SPINDOC: variants seen among roughly 807,000 people sequenced by gnomAD.
SPINDOC encodes the protein spindlin interactor and repressor of chromatin binding, also known as spindlin interactor and repressor of chromatin-binding protein.
Under a neutral mutation model 30.7 loss-of-function variants are expected in SPINDOC, and 13 were observed. The observed-to-expected ratio is 0.42, with a 90% CI of 0.28 to 0.67. The LOEUF (loss-of-function observed/expected upper bound fraction) is 0.67, where lower values mean the gene tolerates loss of function less well. Among genes scored for constraint, SPINDOC ranks in the 30% least tolerant of loss-of-function variants. The pLI is 0.22. For missense variants in SPINDOC, 438 were observed against 518.0 expected, an observed-to-expected ratio of 0.85 and a Z score of 1.50; for synonymous variants, 228 against 211.4, an observed-to-expected ratio of 1.08 and a Z score of -0.68.
intron 5 of SPINDOC, chr11:63,822,635 A>C: frequency 7.0e-6 from 9 of 1,288,996 alleles, no homozygotes; most frequent in Non-Finnish European, 9.1e-6. Context: ...CTCAAGTTTC[A>C]GCTTGAGTCA....
rs915797133 is a variant in SPINDOC, at chr11:63,818,712, A to G, written c.733+60A>G. 6.2e-7 allele frequency: 1 copy of G among 1,611,706 alleles called. No homozygotes were observed. Among genetic ancestry groups the G allele is most frequent in the South Asian group, 1.1e-5 (1 of 91,022 alleles). On this transcript the variant is annotated intron_variant, in intron 4 of 5. Coordinates refer to ENST00000294244, the MANE Select transcript of SPINDOC (RefSeq NM_138471.3). This position sits in a 1 kb window ranked among gnomAD's most constrained non-coding sequence, Gnocchi z 5.3. ...GCCGCAGTGCTCTGAGGAAATCCGC[A>G]TCAGTGAGGATGGAGCAGGGCCTGG...
At chr11:63,816,789 G>T (rs893707973) in intron 1 of SPINDOC, among the ~76,000 whole-genome samples, 1 of 152,212 alleles carries the variant, frequency 6.6e-6, no homozygotes, top group Non-Finnish European at 1.5e-5. Flanking sequence ...TACACAAAGA[G>T]CAGGTATCAG....
At chr11:63,823,741 G>C (rs2015587950) in intron 5 of SPINDOC, among the ~76,000 whole-genome samples, 1 of 151,866 alleles carries the variant, frequency 6.6e-6, no homozygotes, top group Non-Finnish European at 1.5e-5. Flanking sequence ...TGGGACTACA[G>C]GCGCCCACCA....
chr11:63,818,476 G>C lies in SPINDOC; in HGVS notation c.608-51G>C. Reference sequence around the variant, plus strand: ...TATCTTCAGGAGCCCTGGGGTGGCAGGGTTCGGGGATGGCCTCTTTAAAAG... The same window carrying C: ...TATCTTCAGGAGCCCTGGGGTGGCACGGTTCGGGGATGGCCTCTTTAAAAG... On this transcript the variant is annotated intron_variant, in intron 3 of 5. Transcript: ENST00000294244. This position sits in a 1 kb window ranked among gnomAD's most constrained non-coding sequence, Gnocchi z 5.3. 1 of 1,604,588 alleles carries C rather than the reference G, an allele frequency of 6.2e-7. No homozygotes were observed. The highest frequency in any genetic ancestry group is 8.5e-7 in the Non-Finnish European group (1 of 1,177,664).
rs773268816 is a variant in SPINDOC, at chr11:63,827,153, TG to T, written c.*18del. The T allele has an allele frequency of 3.6e-5, 25 of 686,276 alleles. No individual in the cohort carries two copies. The highest frequency in any genetic ancestry group is 5.6e-5 in the African/African-American group (3 of 53,322). 42.5% of individuals were successfully genotyped at this position (686,276 alleles called of 1,614,324 possible). ...AATGGAGTGTAAATTCTTGCTTTCC[TG>T]GGGAGGGAGGGAGGGATGAGGCAGC... On this transcript the variant is annotated 3_prime_UTR_variant, in exon 6 of 6. Transcript: ENST00000294244.
Position 63,814,257 on chromosome 11 carries a change from G to T in SPINDOC, c.127+444G>T, listed in dbSNP as rs529557324. Among the ~76,000 whole-genome samples, 3 of 152,342 alleles carry T rather than the reference G, an allele frequency of 2.0e-5. No individual in the cohort carries two copies. The South Asian group carries it at 6.2e-4, about 32-fold the overall frequency. Reference sequence around the variant, plus strand: ...CCTCTAGGCCGGAGGCTACAGGCGGGCGCCGCTGCCGACCTCCAGGAGAAT... The same window carrying T: ...CCTCTAGGCCGGAGGCTACAGGCGGTCGCCGCTGCCGACCTCCAGGAGAAT... On this transcript the variant is annotated intron_variant, in intron 1 of 5. Transcript: ENST00000294244.
Position 63,818,612 on chromosome 11 carries a change from A to G in SPINDOC, c.693A>G (p.Lys231=). The G allele has an allele frequency of 6.2e-7, 1 of 1,613,772 alleles. No homozygotes were observed. ...EPPGEEPVRK[K]RGRPMTKNLD... ...CAGGGGAAGAGCCAGTCAGAAAGAA[A>G]AGAGGCAGACCTATGACCAAAAACC... Residue 231 remains lysine, a synonymous_variant, in exon 4 of 6, where the codon AAA becomes AAG. Transcript: ENST00000294244. The surrounding 1 kb of genome is among the most constrained non-coding windows in gnomAD (Gnocchi z 5.3).
chr11:63,818,821 G>T lies in SPINDOC; in HGVS notation c.753G>T (p.Ser251=). 2 of 1,613,788 alleles carry T rather than the reference G, an allele frequency of 1.2e-6. No individual in the cohort carries two copies. The highest frequency in any genetic ancestry group is 1.7e-6 in the Non-Finnish European group (2 of 1,180,016). The part of the protein sequence containing the change: ...DPDPEPPSPD[S]PTETFAAPAE... ...TTCCAGAGCCCCCATCGCCAGACTC[G>T]CCCACGGAGACTTTCGCAGCACCAG... Residue 251 remains serine, a synonymous_variant, in exon 5 of 6, where the codon TCG becomes TCT. Transcript: ENST00000294244. The surrounding 1 kb of genome is among the most constrained non-coding windows in gnomAD (Gnocchi z 5.3).
At chr11:63,815,283 T>C (rs2015309059) in intron 1 of SPINDOC, among the ~76,000 whole-genome samples, 5 of 152,168 alleles carry the variant, frequency 3.3e-5, no homozygotes, top group Admixed American at 1.3e-4. Flanking sequence ...TCAGGCCGAA[T>C]AGCAAGTGCA....
intron 5 of SPINDOC, among the ~76,000 whole-genome samples, chr11:63,820,609 G>A (rs890977320): frequency 1.3e-5 from 2 of 151,630 alleles, no homozygotes; most frequent in East Asian, 2.0e-4. Context: ...AACACACATC[G>A]GGCCGGGCGC....
At chr11:63,820,652 G>C (rs1272198702) in intron 5 of SPINDOC, among the ~76,000 whole-genome samples, 1 of 151,740 alleles carries the variant, frequency 6.6e-6, no homozygotes, top group African/African-American at 2.4e-5. Context: ...AGCACTTTGG[G>C]AGGCTGAGAC....
chr11:63,826,804 ACTGGG>A (rs1198739642), intron 5 of SPINDOC, 119 bp from the exon 6 acceptor site: 1 of 640,284 alleles, frequency 1.6e-6, no homozygotes, highest in Non-Finnish European at 2.8e-6. Flanking sequence ...CATGCCAGGC[ACTGGG>A]CTGTGGACAT....
intron 1 of SPINDOC, among the ~76,000 whole-genome samples, chr11:63,816,679 C>T (rs920174750): frequency 4.0e-5 from 6 of 150,336 alleles, no homozygotes; most frequent in Non-Finnish European, 5.9e-5. Flanking sequence ...ATGGGCACTT[C>T]GTAAAAGCAC....
intron 1 of SPINDOC, 117 bp downstream of exon 1, chr11:63,813,930 C>T: frequency 7.8e-7 from 1 of 1,287,394 alleles, no homozygotes; most frequent in South Asian, 1.8e-5. Flanking sequence ...GCCTTGGGGC[C>T]CAGGTTTCCC....
Position 63,818,435 on chromosome 11 carries a change from C to T in SPINDOC, c.607+70C>T. The T allele has an allele frequency of 6.2e-7, 1 of 1,605,876 alleles. No homozygotes were observed. The highest frequency in any genetic ancestry group is 1.1e-5 in the South Asian group (1 of 90,930). On this transcript the variant is annotated intron_variant, in intron 3 of 5. Transcript: ENST00000294244. The surrounding 1 kb of genome is among the most constrained non-coding windows in gnomAD (Gnocchi z 5.3). ...TTGGGGACAGGGTGAAATACAGGCC[C>T]TGTGTTCTGGGCAGGTATCTTCAGG...
At position 63,818,609 on chromosome 11, in the gene SPINDOC, G is replaced by T. The variant is rs2015417354; in HGVS notation, c.690G>T (p.Lys230Asn). Residue 230 changes from lysine (K) to asparagine (N), a missense_variant, in exon 4 of 6, where the codon AAG becomes AAT. By Grantham distance (94) the Lys-to-Asn change is moderately conservative. This residue lies in a region of SPINDOC where 300 missense variants were observed against 332.8 expected (regional missense o/e 0.90). Coordinates refer to ENST00000294244, the MANE Select transcript of SPINDOC (RefSeq NM_138471.3). The surrounding 1 kb of genome is among the most constrained non-coding windows in gnomAD (Gnocchi z 5.3). ...KEPPGEEPVR[K>N]KRGRPMTKNL... ...CCCCAGGGGAAGAGCCAGTCAGAAA[G>T]AAAAGAGGCAGACCTATGACCAAAA... The T allele has an allele frequency of 1.2e-6, 2 of 1,613,644 alleles. No individual in the cohort carries two copies.
In SPINDOC at chr11:63,813,552, C is replaced by A. The variant is rs940863857; in HGVS notation, c.-135C>A. 2 of 714,564 alleles carry A rather than the reference C, an allele frequency of 2.8e-6. No individual in the cohort carries two copies. Among genetic ancestry groups the A allele is most frequent in the Non-Finnish European group, 3.4e-6 (2 of 583,734 alleles). 44.3% of individuals were successfully genotyped at this position (714,564 alleles called of 1,614,324 possible). On this transcript the variant is annotated 5_prime_UTR_variant, in exon 1 of 6. Transcript: ENST00000294244. ...GCCCGGCCGGCGAGCGGCGGGCGGG[C>A]GGCGGGGAGGGGGCTGCGCGGGGCG...
At chr11:63,820,391 C>CT (rs574169754) in intron 5 of SPINDOC, among the ~76,000 whole-genome samples, 1,719 of 135,998 alleles carry the variant, frequency 0.013, 45 homozygotes, top group African/African-American at 0.043. Flanking sequence ...GAGTGAAACT[C>CT]TGTCTCCAAA....
chr11:63,827,447 C>T lies in SPINDOC; in HGVS notation c.*308C>T. 2.2e-6 allele frequency: 1 copy of T among 461,536 alleles called. No individual in the cohort carries two copies. The highest frequency in any genetic ancestry group is 2.1e-5 in the South Asian group (1 of 46,572). The allele number at this position is 461,536 out of a possible 1,614,324, so 28.6% of individuals were successfully genotyped here. On this transcript the variant is annotated 3_prime_UTR_variant, in exon 6 of 6. Coordinates refer to ENST00000294244, the MANE Select transcript of SPINDOC (RefSeq NM_138471.3). ...CCCCATGACCTCCTCCCACCCTCCC[C>T]CTGCTCCCCACCATTCTCCCTTGGC...
Sources: gnomAD v4.1 joint callset for allele counts (sites outside exome capture counted in the v4.1 genomes callset) on GRCh38, gnomAD v4.1.1 for gene constraint, gnomAD v4.1.1 regional missense constraint, Gnocchi (gnomAD v3.1) non-coding constraint, MANE v1.5 for transcripts, NCBI Gene and HGNC (gene_info 2026-07-23, HGNC 2026-07-21) for gene names.